CD8A: variants seen among roughly 807,000 people sequenced by gnomAD.
The protein encoded by CD8A is T-cell surface glycoprotein CD8 alpha chain.
In CD8A, 25 loss-of-function variants were observed where a neutral mutation model predicts 24.2. The observed-to-expected ratio is 1.03, with a 90% CI of 0.75 to 1.44. The LOEUF (loss-of-function observed/expected upper bound fraction) is 1.44. Among genes scored for constraint, CD8A ranks in the 40% most tolerant of loss-of-function variants. CD8A has a pLI of 0.00. For missense variants in CD8A, 360 were observed against 319.7 expected (o/e 1.13, Z -0.96); for synonymous variants, 165 against 149.9 (o/e 1.10, Z -0.74).
intron 4 of CD8A, among the ~76,000 whole-genome samples, chr2:86,789,101 G>A (rs1472717405): frequency 6.6e-6 from 1 of 152,238 alleles, no homozygotes; most frequent in Non-Finnish European, 1.5e-5. Context: ...GCGGCTCTGG[G>A]AACGCGGCTT....
At position 86,789,666 on chromosome 2, in the gene CD8A, G is replaced by T; in HGVS notation, c.488C>A (p.Ala163Glu). The change falls in exon 3 of 6, where the codon GCG becomes GAG. Residue 163 changes from alanine (A) to glutamate (E), a missense_variant. By Grantham distance (107) the Ala-to-Glu change is moderately radical. Transcript: ENST00000283635. ...ASQPLSLRPE[A>E]CRPAAGGAVH... ...TGCGCCCCCCGCCGCTGGCCGGCACGCCTCTGGGCGCAGGGACAGGGGCTG... is the reference window on the plus strand; with the variant it reads ...TGCGCCCCCCGCCGCTGGCCGGCACTCCTCTGGGCGCAGGGACAGGGGCTG... 6.8e-7 allele frequency: 1 copy of T among 1,463,690 alleles called. No individual in the cohort carries two copies. Among genetic ancestry groups the T allele is most frequent in the Admixed American group, 2.5e-5 (1 of 39,794 alleles). The allele number at this position is 1,463,690 out of a possible 1,614,324, so 90.7% of individuals were successfully genotyped here.
At position 86,785,930 on chromosome 2, in the gene CD8A, C is replaced by G. The variant is rs768517196; in HGVS notation, c.698G>C (p.Arg233Thr). Residue 233 changes from arginine (R) to threonine (T), a missense_variant, in exon 6 of 6, where the codon AGA (arginine) becomes ACA (threonine). Arg to Thr is a moderately conservative substitution (Grantham distance 71, BLOSUM62 -1). Transcript: ENST00000283635. The stretch of plus-strand genomic sequence containing the variant: ...GGCTGTTGCACAGGGTTAGACGTAT[C>G]TCGCCGAAAGGCTGGGCTTGTCTCC... ...KSGDKPSLSA[R>T]YV The G allele has an allele frequency of 5.8e-5, 93 of 1,613,200 alleles. No homozygotes were observed. The highest frequency in any genetic ancestry group is 7.6e-5 in the Non-Finnish European group (90 of 1,179,242).
chr2:86,789,665 C>T lies in CD8A; in HGVS notation c.489G>A (p.Ala163=). 1 of 1,463,122 alleles carries T rather than the reference C, an allele frequency of 6.8e-7. No individual in the cohort carries two copies. Among genetic ancestry groups the T allele is most frequent in the African/African-American group, 1.5e-5 (1 of 68,436 alleles). The allele number at this position is 1,463,122 out of a possible 1,614,324, so 90.6% of individuals were successfully genotyped here. A position where few individuals can be genotyped will look rare whatever the true frequency, so the allele number is the denominator to read the frequency against. Residue 163 remains alanine (A), a synonymous_variant, in exon 3 of 6, where the codon GCG becomes GCA. Coordinates refer to ENST00000283635, the MANE Select transcript of CD8A (RefSeq NM_001768.7). ...ASQPLSLRPE[A]CRPAAGGAVH... ...CTGCGCCCCCCGCCGCTGGCCGGCA[C>T]GCCTCTGGGCGCAGGGACAGGGGCT...
At chr2:86,800,307 G>T (rs1273480087) in intron 3 of CD8A, among the ~76,000 whole-genome samples, 1 of 151,190 alleles carries the variant, frequency 6.6e-6, no homozygotes, top group Non-Finnish European at 1.5e-5. Flanking sequence ...AAAATACAAA[G>T]AAAATTTAGT....
At chr2:86,790,070 C>A (rs1673210270) in intron 2 of CD8A, among the ~76,000 whole-genome samples, 1 of 152,202 alleles carries the variant, frequency 6.6e-6, no homozygotes, top group Admixed American at 6.5e-5. Context: ...CAAACGGAGG[C>A]GCAGATAATT....
chr2:86,794,783 C>T (rs1280054000), upstream of CD8A, among the ~76,000 whole-genome samples: 1 of 151,638 alleles, frequency 6.6e-6, no homozygotes, highest in African/African-American at 2.4e-5. Context: ...CCTGTGAGGC[C>T]CTGCACACTT....
Position 86,789,366 on chromosome 2 carries a change from C to G in CD8A, c.582G>C (p.Gly194=). The change falls in exon 4 of 6, where the codon GGG becomes GGC. Residue 194 remains glycine (G), a synonymous_variant. Transcript: ENST00000283635. ...TGATAACCAGTGACAGGAGAAGGAC[C>G]CCACAAGTCCCGGCCAAGGGCGCCC... ...YIWAPLAGTC[G]VLLLSLVITL... is the part of the protein sequence containing the mutation. 6.2e-7 allele frequency: 1 copy of G among 1,613,874 alleles called. No individual in the cohort carries two copies. Among genetic ancestry groups the G allele is most frequent in the South Asian group, 1.1e-5 (1 of 91,072 alleles).
upstream of CD8A, chr2:86,790,952 G>A (rs1673279451): frequency 1.1e-6 from 1 of 937,088 alleles, no homozygotes. Flanking sequence ...TTCGCATTTG[G>A]AGGATGTGAT....
upstream of CD8A, chr2:86,790,973 G>T: frequency 1.2e-6 from 1 of 820,704 alleles, no homozygotes; most frequent in Non-Finnish European, 2.0e-6. Flanking sequence ...GTCACCCGAA[G>T]CCCCCGCCGA....
Position 86,789,304 on chromosome 2 carries a change from G to T in CD8A, c.625+19C>A. On this transcript the variant is annotated intron_variant, in intron 4 of 5. Coordinates refer to ENST00000283635, the MANE Select transcript of CD8A (RefSeq NM_001768.7). ...GGAGCGGGGCCGACTCCTTCCCGCCGCGATTCCTCGGGACTTACTGTGGTT... is the reference window on the plus strand; with the variant it reads ...GGAGCGGGGCCGACTCCTTCCCGCCTCGATTCCTCGGGACTTACTGTGGTT... 1.3e-6 allele frequency: 2 copies of T among 1,511,390 alleles called. No individual in the cohort carries two copies. The highest frequency in any genetic ancestry group is 1.8e-6 in the Non-Finnish European group (2 of 1,085,906). 93.6% of individuals were successfully genotyped at this position (1,511,390 alleles called of 1,614,324 possible).
At chr2:86,795,485 G>C (rs554871115), upstream of CD8A, among the ~76,000 whole-genome samples, 24 of 152,254 alleles carry the variant, frequency 1.6e-4, 1 homozygote, top group Admixed American at 1.4e-3. Flanking sequence ...AGGGGAGAAG[G>C]CAGATGTACT....
chr2:86,803,454 T>C (rs1014212347), intron 2 of CD8A, among the ~76,000 whole-genome samples: 1 of 152,164 alleles, frequency 6.6e-6, no homozygotes, highest in Non-Finnish European at 1.5e-5. Context: ...GAGATAGCAT[T>C]TGCCATAACC....
intron 2 of CD8A, among the ~76,000 whole-genome samples, chr2:86,804,794 CTTTTT>C (rs70958908): frequency 2.1e-5 from 2 of 94,030 alleles, no homozygotes; most frequent in African/African-American, 4.2e-5. Context: ...CTTGCTAAAT[CTTTTT>C]TTTTTTTTTT....
chr2:86,786,043 G>T, intron 5 of CD8A, 72 bp from the exon 6 acceptor site: 1 of 1,195,724 alleles, frequency 8.4e-7, no homozygotes, highest in Non-Finnish European at 1.3e-6. Flanking sequence ...GCCACGTCCA[G>T]CCTCCCAATC....
intron 5 of CD8A, among the ~76,000 whole-genome samples, chr2:86,787,788 T>C (rs983272388): frequency 1.2e-4 from 18 of 152,122 alleles, no homozygotes; most frequent in Admixed American, 2.0e-4. Flanking sequence ...TGGGGAGTAT[T>C]ACCCCTATCA....
At chr2:86,808,295 C>G (rs1170326867) in exon 1 of CD8A, 1 of 151,806 alleles carries the variant, frequency 6.6e-6, no homozygotes, top group South Asian at 2.1e-4. Context: ...GGAAGGGTCG[C>G]CCGAAGGTCC....
intron 2 of CD8A, among the ~76,000 whole-genome samples, chr2:86,802,515 A>G (rs1211698446): frequency 6.6e-6 from 1 of 152,256 alleles, no homozygotes; most frequent in East Asian, 1.9e-4. Context: ...GCAGAGAAGT[A>G]TGAAATATTG....
upstream of CD8A, among the ~76,000 whole-genome samples, chr2:86,795,381 T>C (rs1673447891): frequency 6.6e-6 from 1 of 152,328 alleles, no homozygotes; most frequent in African/African-American, 2.4e-5. Flanking sequence ...AGAGGTTGTT[T>C]AGAATGAGGC....
upstream of CD8A, among the ~76,000 whole-genome samples, chr2:86,791,930 G>A (rs1202670208): frequency 6.6e-6 from 1 of 152,224 alleles, no homozygotes; most frequent in Non-Finnish European, 1.5e-5. Flanking sequence ...CCAGCTCTGG[G>A]TGCTCTGCAG....
Sources: gnomAD v4.1 joint callset for allele counts (sites outside exome capture counted in the v4.1 genomes callset) on GRCh38, gnomAD v4.1.1 for gene constraint, MANE v1.5 for transcripts, NCBI Gene and HGNC (gene_info 2026-07-23, HGNC 2026-07-21) for gene names.